Variants in KCNMA1 observed in about 807,000 individuals in gnomAD.
KCNMA1 encodes the protein Calcium-activated potassium channel subunit alpha-1.
KCNMA1 carries 29 observed loss-of-function variants against 140.0 expected under a neutral mutation model. The observed-to-expected ratio is 0.21, with a 90% confidence interval of 0.15 to 0.28. KCNMA1 has a LOEUF of 0.28. KCNMA1 is among the 10% of genes least tolerant of loss of function. The pLI is 1.00. For missense variants in KCNMA1, 880 were observed against 1,602.2 expected, an observed-to-expected ratio of 0.55 and a Z score of 7.70; for synonymous variants, 612 against 611.9, an observed-to-expected ratio of 1.00 and a Z score of 0.00.
intron 1 of KCNMA1, among the ~76,000 whole-genome samples, chr10:77,432,023 T>G (rs2097166060): frequency 6.7e-6 from 1 of 149,648 alleles, no homozygotes; most frequent in Non-Finnish European, 1.5e-5. Context: ...GCAAAGGGTG[T>G]GGAGGTTGGG....
At chr10:77,538,764 A>G (rs1424279807) in intron 1 of KCNMA1, among the ~76,000 whole-genome samples, 1 of 151,932 alleles carries the variant, frequency 6.6e-6, no homozygotes, top group Admixed American at 6.6e-5. Flanking sequence ...TTAAAATCTG[A>G]CCCAACAGAG....
At chr10:77,256,280 G>A (rs1182306339) in intron 2 of KCNMA1, among the ~76,000 whole-genome samples, 1 of 152,124 alleles carries the variant, frequency 6.6e-6, no homozygotes, top group Non-Finnish European at 1.5e-5. Flanking sequence ...GAGGCTTCAC[G>A]GCCTTGGGAG....
At chr10:77,031,029 CA>C (rs991924193) in intron 15 of KCNMA1, among the ~76,000 whole-genome samples, 8 of 152,268 alleles carry the variant, frequency 5.3e-5, no homozygotes, top group African/African-American at 1.9e-4. Context: ...CCTTCCTATG[CA>C]GATAACAAAC....
At chr10:77,507,337 G>T (rs779640903) in intron 1 of KCNMA1, among the ~76,000 whole-genome samples, 2 of 152,152 alleles carry the variant, frequency 1.3e-5, no homozygotes, top group Non-Finnish European at 2.9e-5. Context: ...GAAGAGCAAC[G>T]TGGAGATGAC....
intron 2 of KCNMA1, among the ~76,000 whole-genome samples, chr10:77,269,047 C>T (rs905396252): frequency 1.3e-5 from 2 of 152,254 alleles, no homozygotes; most frequent in Admixed American, 6.5e-5. Flanking sequence ...AGGGCAGAGT[C>T]CCCAAGTGAA....
At chr10:77,021,178 T>C (rs1208515336) in intron 16 of KCNMA1, 1 of 152,164 alleles carries the variant, frequency 6.6e-6, no homozygotes, top group Non-Finnish European at 1.5e-5. Flanking sequence ...GAATAATGTA[T>C]AAGGACATAC....
At chr10:77,497,986 T>G (rs1044995306) in intron 1 of KCNMA1, among the ~76,000 whole-genome samples, 1 of 152,114 alleles carries the variant, frequency 6.6e-6, no homozygotes, top group African/African-American at 2.4e-5. Flanking sequence ...CTGCCCAGAT[T>G]CCTGCTTCAA....
intron 1 of KCNMA1, among the ~76,000 whole-genome samples, chr10:77,462,226 T>A (rs1409679589): frequency 6.6e-6 from 1 of 151,864 alleles, no homozygotes; most frequent in African/African-American, 2.4e-5. Context: ...CTCAGATAGA[T>A]GCACACACCT....
At chr10:76,888,831 G>A (rs968158663) in intron 27 of KCNMA1, among the ~76,000 whole-genome samples, 6 of 152,230 alleles carry the variant, frequency 3.9e-5, no homozygotes, top group Middle Eastern at 3.4e-3. Context: ...TTGGGAGGCC[G>A]AGGTGGGTGG....
chr10:77,309,295 C>T (rs576015901), intron 2 of KCNMA1, among the ~76,000 whole-genome samples: 6 of 152,352 alleles, frequency 3.9e-5, no homozygotes, highest in African/African-American at 7.2e-5. Context: ...GCCTGAAGTA[C>T]GCTCTCCAGA....
chr10:77,097,681 T>G (rs1238432274), intron 9 of KCNMA1, among the ~76,000 whole-genome samples: 1 of 152,074 alleles, frequency 6.6e-6, no homozygotes, highest in Non-Finnish European at 1.5e-5. Context: ...ACCCTGACTA[T>G]CACCATTTCC....
intron 20 of KCNMA1, among the ~76,000 whole-genome samples, chr10:76,968,261 G>A (rs533818840): frequency 1.3e-5 from 2 of 152,092 alleles, no homozygotes; most frequent in Admixed American, 1.3e-4. Flanking sequence ...ACTTAAAAAA[G>A]CCTCCACCTC....
intron 23 of KCNMA1, among the ~76,000 whole-genome samples, chr10:76,938,177 G>A (rs931101525): frequency 9.2e-5 from 14 of 152,246 alleles, no homozygotes; most frequent in African/African-American, 3.4e-4. Context: ...TAGAGCATGA[G>A]CAATGGGCCA....
At chr10:77,298,726 G>C (rs1276320055) in intron 2 of KCNMA1, among the ~76,000 whole-genome samples, 2 of 152,114 alleles carry the variant, frequency 1.3e-5, no homozygotes, top group Non-Finnish European at 2.9e-5. Flanking sequence ...CTTCCACACT[G>C]AACACCAGCA....
chr10:76,919,865 T>C (rs2054590501), intron 23 of KCNMA1, among the ~76,000 whole-genome samples: 1 of 151,498 alleles, frequency 6.6e-6, no homozygotes, highest in Middle Eastern at 3.2e-3. Flanking sequence ...CAATAAGTAT[T>C]CGTGGATCAC....
chr10:76,953,513 A>C (rs2067060091), intron 21 of KCNMA1, among the ~76,000 whole-genome samples: 1 of 152,190 alleles, frequency 6.6e-6, no homozygotes, highest in African/African-American at 2.4e-5. Context: ...CACCAGCGCC[A>C]TGGCCACAGG....
intron 1 of KCNMA1, among the ~76,000 whole-genome samples, chr10:77,407,219 C>T (rs559304521): frequency 3.9e-5 from 6 of 152,258 alleles, no homozygotes; most frequent in Non-Finnish European, 8.8e-5. Context: ...CTATTTAAAG[C>T]CTGATGCCAG....
intron 1 of KCNMA1, among the ~76,000 whole-genome samples, chr10:77,470,622 A>G (rs546396954): frequency 6.6e-6 from 1 of 152,346 alleles, no homozygotes; most frequent in South Asian, 2.1e-4. Context: ...TGCAAGTCAG[A>G]CAGAAGAGCA....
At chr10:77,211,527 T>A (rs2154174381) in intron 3 of KCNMA1, among the ~76,000 whole-genome samples, 1 of 152,242 alleles carries the variant, frequency 6.6e-6, no homozygotes, top group Middle Eastern at 3.4e-3. Context: ...GAAATACCCA[T>A]CTCAACATCA....
Sources: allele counts gnomAD v4.1 joint callset (sites outside exome capture counted in the v4.1 genomes callset), GRCh38; gene constraint gnomAD v4.1.1; transcripts MANE v1.5; gene names NCBI Gene and HGNC (gene_info 2026-07-23, HGNC 2026-07-21).